The following TACC1 variants were observed in gnomAD, a reference collection of about 807,000 sequenced individuals.
The protein encoded by TACC1 is transforming acidic coiled-coil containing protein 1.
A neutral mutation model predicts 84.4 loss-of-function variants in TACC1; 48 were observed. That is an observed-to-expected ratio of 0.57 (90% CI 0.45 to 0.72). TACC1 has a LOEUF of 0.72. TACC1 is among the 30% of genes least tolerant of loss of function. The probability of loss-of-function intolerance (pLI) is 0.00; values close to 1 mark genes in which losing one functional copy is unlikely to be tolerated. For synonymous variants in TACC1, 372 were observed against 376.3 expected (o/e 0.99, Z 0.13); for missense variants, 920 against 973.0 (o/e 0.95, Z 0.72).
At chr8:38,751,946 C>G (rs566800637) in intron 3 of TACC1, among the ~76,000 whole-genome samples, 35 of 152,118 alleles carry the variant, frequency 2.3e-4, no homozygotes, top group Non-Finnish European at 4.1e-4. Flanking sequence ...ATAAGTATTA[C>G]CCACTGTTAT....
chr8:38,847,613 T>C (rs1037649873), intron 12 of TACC1, among the ~76,000 whole-genome samples: 3 of 152,218 alleles, frequency 2.0e-5, no homozygotes, highest in Admixed American at 1.3e-4. Context: ...TCCCTAGATA[T>C]GCTAATGGAT....
At chr8:38,751,854 G>A (rs1333855680) in intron 3 of TACC1, among the ~76,000 whole-genome samples, 1 of 152,102 alleles carries the variant, frequency 6.6e-6, no homozygotes, top group African/African-American at 2.4e-5. Flanking sequence ...AAAGTGCCTA[G>A]CCATAGGGTT....
Position 38,820,542 on chromosome 8 carries a change from C to T in TACC1, c.1298C>T (p.Thr433Met), listed in dbSNP as rs200956273. The T allele has an allele frequency of 2.7e-5, 44 of 1,614,138 alleles. No homozygotes were observed. Among genetic ancestry groups the T allele is most frequent in the South Asian group, 7.7e-5 (7 of 91,082 alleles). The change falls in exon 3 of 13, where the codon ACG becomes ATG. Residue 433 changes from threonine to methionine, a missense_variant. Around this residue, in one of 2 missense-constraint regions of TACC1, gnomAD observed 762 missense variants for 747.3 expected, o/e 1.02. Coordinates refer to ENST00000317827, the MANE Select transcript of TACC1 (RefSeq NM_006283.3). ...DESMDPFKPT[T>M]TLTSSDFCSP... ...TCCATGGATCCCTTTAAACCAACTA[C>T]GACCTTAACAAGCAGTGACTTTTGT...
intron 2 of TACC1, among the ~76,000 whole-genome samples, chr8:38,813,420 G>A (rs867930469): frequency 3.9e-5 from 6 of 152,168 alleles, no homozygotes; most frequent in Non-Finnish European, 7.3e-5. Context: ...TGATGTCTTG[G>A]TTCAATAAGA....
chr8:38,842,556 G>C, intron 10 of TACC1, 109 bp downstream of exon 10: 1 of 1,199,338 alleles, frequency 8.3e-7, no homozygotes, highest in South Asian at 1.6e-5. Context: ...TTTTAAATAG[G>C]AGCTCAGGGC....
intron 1 of TACC1, among the ~76,000 whole-genome samples, chr8:38,732,380 G>A (rs1805128640): frequency 6.6e-6 from 1 of 151,078 alleles, no homozygotes; most frequent in Non-Finnish European, 1.5e-5. Flanking sequence ...ATTTCAAACT[G>A]AGATATGAAA....
At chr8:38,752,494 A>G (rs1036008253) in intron 3 of TACC1, among the ~76,000 whole-genome samples, 3 of 152,040 alleles carry the variant, frequency 2.0e-5, no homozygotes, top group Admixed American at 2.0e-4. Context: ...AAACAAAAAC[A>G]AAACCCCAAA....
intron 3 of TACC1, chr8:38,824,896 A>G (rs1368307201): frequency 6.1e-6 from 1 of 164,632 alleles, no homozygotes; most frequent in Non-Finnish European, 1.3e-5. Flanking sequence ...ATTTTTAAAG[A>G]ATTTGGTCCA....
At chr8:38,749,204 A>C (rs1808588142) in intron 3 of TACC1, among the ~76,000 whole-genome samples, 1 of 152,216 alleles carries the variant, frequency 6.6e-6, no homozygotes, top group Non-Finnish European at 1.5e-5. Context: ...GAAATACATA[A>C]ATTATAAATC....
chr8:38,831,070 G>A, intron 5 of TACC1, 55 bp from the exon 6 acceptor site: 8 of 1,547,452 alleles, frequency 5.2e-6, no homozygotes, highest in Non-Finnish European at 7.1e-6. Flanking sequence ...CCTTTCACTA[G>A]GGAGGAAAGG....
intron 3 of TACC1, chr8:38,757,425 C>T (rs1425378541): frequency 8.3e-7 from 1 of 1,201,216 alleles, no homozygotes; most frequent in African/African-American, 1.7e-5. Context: ...TCCCAGAGCC[C>T]TCTCCAAGGG....
At chr8:38,832,526 A>C (rs1159846162) in intron 6 of TACC1, among the ~76,000 whole-genome samples, 6 of 152,220 alleles carry the variant, frequency 3.9e-5, no homozygotes, top group African/African-American at 9.6e-5. Context: ...GAATGAAAAA[A>C]TCATCTATTT....
At chr8:38,749,514 G>A (rs116286930) in intron 3 of TACC1, among the ~76,000 whole-genome samples, 4,455 of 152,144 alleles carry the variant, frequency 0.029, 237 homozygotes, top group African/African-American at 0.1. Context: ...CAAAATATTA[G>A]CAAGCCAAAT....
intron 3 of TACC1, among the ~76,000 whole-genome samples, chr8:38,761,217 C>T (rs570944745): frequency 4.6e-5 from 7 of 152,170 alleles, no homozygotes; most frequent in South Asian, 2.1e-4. Context: ...AGGTTTTCTA[C>T]GAGTAGTGGG....
chr8:38,788,905 T>G, intron 2 of TACC1, 86 bp downstream of exon 2: 1 of 1,090,812 alleles, frequency 9.2e-7, no homozygotes, highest in Non-Finnish European at 1.3e-6. Context: ...AGTGTAAATT[T>G]AGGACCATTT....
chr8:38,806,997 C>T (rs919810825), intron 2 of TACC1, among the ~76,000 whole-genome samples: 10 of 152,196 alleles, frequency 6.6e-5, no homozygotes, highest in African/African-American at 1.7e-4. Flanking sequence ...AGAATAACTC[C>T]GAGAATTCAG....
intron 1 of TACC1, among the ~76,000 whole-genome samples, chr8:38,729,540 T>C (rs771754507): frequency 6.6e-6 from 1 of 152,210 alleles, no homozygotes; most frequent in Admixed American, 6.5e-5. Flanking sequence ...TTGTATACAT[T>C]TGTTTCTCTT....
chr8:38,813,472 C>A (rs1023718428), intron 2 of TACC1, among the ~76,000 whole-genome samples: 3 of 152,162 alleles, frequency 2.0e-5, no homozygotes, highest in Non-Finnish European at 4.4e-5. Flanking sequence ...CTAGTCCATC[C>A]AAACCCTCAG....
intron 2 of TACC1, among the ~76,000 whole-genome samples, chr8:38,806,552 A>G (rs1822777679): frequency 6.6e-6 from 1 of 152,004 alleles, no homozygotes; most frequent in South Asian, 2.1e-4. Flanking sequence ...AGAAAGAGGG[A>G]TGGGGCTGGC....
Sources: allele counts gnomAD v4.1 joint callset (sites outside exome capture counted in the v4.1 genomes callset), GRCh38; gene constraint gnomAD v4.1.1; regional missense constraint gnomAD v4.1.1; transcripts MANE v1.5; gene names NCBI Gene and HGNC (gene_info 2026-07-23, HGNC 2026-07-21).